Variants in FBN2 observed in about 807,000 individuals in gnomAD.
The protein encoded by FBN2 is fibrillin 2.
FBN2 carries 105 observed loss-of-function variants against 355.6 expected under a neutral mutation model. That is an observed-to-expected ratio of 0.30 (90% CI 0.25 to 0.35). The LOEUF (loss-of-function observed/expected upper bound fraction) is 0.35, where lower values mean the gene tolerates loss of function less well. FBN2 is among the 10% of genes least tolerant of loss of function. The probability of loss-of-function intolerance (pLI) is 1.00; values close to 1 mark genes in which losing one functional copy is unlikely to be tolerated. For synonymous variants in FBN2, 1,350 were observed against 1,301.2 expected (o/e 1.04, Z -0.81); for missense variants, 3,280 against 3,758.7 (o/e 0.87, Z 3.33).
At chr5:128,467,126 G>A (rs1320719298) in intron 5 of FBN2, among the ~76,000 whole-genome samples, 1 of 152,084 alleles carries the variant, frequency 6.6e-6, no homozygotes, top group African/African-American at 2.4e-5. Flanking sequence ...CAACTTGACA[G>A]TAGATTCATT....
chr5:128,333,700 T>C (rs1426831416), intron 31 of FBN2, among the ~76,000 whole-genome samples: 1 of 151,696 alleles, frequency 6.6e-6, no homozygotes, highest in Admixed American at 6.6e-5. Context: ...GTGTGTGTAT[T>C]TGTGTGTCTG....
chr5:128,471,639 TAAAAAC>T (rs1221856210), intron 5 of FBN2, among the ~76,000 whole-genome samples: 2 of 152,092 alleles, frequency 1.3e-5, no homozygotes, highest in South Asian at 2.1e-4. Flanking sequence ...AAACTGGCCT[TAAAAAC>T]AAAAACAAAA....
intron 13 of FBN2, among the ~76,000 whole-genome samples, chr5:128,377,241 G>A (rs895698639): frequency 6.6e-6 from 1 of 152,074 alleles, no homozygotes; most frequent in Non-Finnish European, 1.5e-5. Flanking sequence ...AATATGATGT[G>A]TTACCTTGTA....
In FBN2 at chr5:128,300,827, C is replaced by A; in HGVS notation, c.6156G>T (p.Glu2052Asp). ...ICPPGYEVKS[E>D]NCIDINECDE... The stretch of plus-strand genomic sequence containing the variant: ...AAATGTTACTCTTACCAATGCAGTT[C>A]TCGCTTTTTACTTCATACCCTGGGG... The change falls in exon 48 of 65, where the codon GAG becomes GAT. Residue 2052 changes from glutamate (E) to aspartate (D), a missense_variant. Transcript: ENST00000262464. 1 of 1,614,018 alleles carries A rather than the reference C, an allele frequency of 6.2e-7. No individual in the cohort carries two copies.
At position 128,271,989 on chromosome 5, in the gene FBN2, G is replaced by A. The variant is rs1168297227; in HGVS notation, c.7960+10C>T. On this transcript the variant is annotated intron_variant, in intron 62 of 64. Transcript: ENST00000262464. ...GAAAAGCAAGTGCGATGGAAGAAAA[G>A]AGCACTCACCGACACACTGATTCCA... 3 of 1,613,832 alleles carry A rather than the reference G, an allele frequency of 1.9e-6. No homozygotes were observed. The Admixed American group carries it at 5.0e-5, about 27-fold the overall frequency.
intron 62 of FBN2, among the ~76,000 whole-genome samples, chr5:128,264,096 G>A (rs937840050): frequency 5.3e-5 from 8 of 152,148 alleles, no homozygotes; most frequent in Non-Finnish European, 1.0e-4. Flanking sequence ...GAGAATGTTC[G>A]GAAACTGGTA....
In FBN2 at chr5:128,355,447, A is replaced by G. The variant is rs112230564; in HGVS notation, c.2674+1829T>C. ...TTGCAGAATAGTTGAAGATTAATTT[A>G]TATTTAGAAAGCTTGAAAAATAGAT... is the stretch of plus-strand genomic sequence containing the variant. On this transcript the variant is annotated intron_variant, in intron 20 of 64. Coordinates refer to ENST00000262464, the MANE Select transcript of FBN2 (RefSeq NM_001999.4). Among the ~76,000 whole-genome samples, 140 of 152,368 alleles carry G rather than the reference A, an allele frequency of 9.2e-4. 2 individuals carry two copies. The highest frequency in any genetic ancestry group is 6.8e-3 in the Middle Eastern group (2 of 294).
intron 15 of FBN2, among the ~76,000 whole-genome samples, chr5:128,371,440 TTTTC>T (rs1220690250): frequency 2.0e-5 from 3 of 152,054 alleles, no homozygotes. Context: ...TTTTTCTTTC[TTTTC>T]TTTCTCTTTT....
At chr5:128,530,486 TTAAC>T in intron 3 of FBN2, 105 bp downstream of exon 3, 1 of 747,326 alleles carries the variant, frequency 1.3e-6, no homozygotes, top group Non-Finnish European at 2.4e-6. Flanking sequence ...GATGTAAGGA[TTAAC>T]TAAAGTAATA....
At chr5:128,396,731 T>C (rs1293391004) in intron 8 of FBN2, among the ~76,000 whole-genome samples, 1 of 152,250 alleles carries the variant, frequency 6.6e-6, no homozygotes, top group South Asian at 2.1e-4. Context: ...ACTGCCTTTA[T>C]AGTAACCAAT....
At chr5:128,311,237 A>C in intron 39 of FBN2, 63 bp downstream of exon 39, 1 of 1,584,662 alleles carries the variant, frequency 6.3e-7, no homozygotes, top group South Asian at 1.1e-5. Flanking sequence ...CCTTTCCCTC[A>C]GGCCTCAGCA....
At chr5:128,410,010 C>T (rs1045866010) in intron 7 of FBN2, among the ~76,000 whole-genome samples, 1 of 152,160 alleles carries the variant, frequency 6.6e-6, no homozygotes, top group African/African-American at 2.4e-5. Context: ...TAACTATACG[C>T]TGTGTGTCTT....
chr5:128,342,578 G>A (rs1188866068), intron 25 of FBN2, among the ~76,000 whole-genome samples: 1 of 152,136 alleles, frequency 6.6e-6, no homozygotes, highest in Non-Finnish European at 1.5e-5. Context: ...CAGGGAAGAG[G>A]AGATGCTAGA....
chr5:128,275,659 T>C (rs1765376217), intron 59 of FBN2, among the ~76,000 whole-genome samples: 1 of 152,128 alleles, frequency 6.6e-6, no homozygotes, highest in Non-Finnish European at 1.5e-5. Flanking sequence ...AATTTACCTA[T>C]CCATTTTCAC....
chr5:128,537,465 C>T lies in FBN2; in HGVS notation c.139G>A (p.Val47Ile). 6.2e-7 allele frequency: 1 copy of T among 1,604,784 alleles called. No homozygotes were observed. The highest frequency in any genetic ancestry group is 8.5e-7 in the Non-Finnish European group (1 of 1,176,974). Residue 47 changes from valine to isoleucine, a missense_variant, in exon 1 of 65, where the codon GTT becomes ATT. By Grantham distance (29) the Val-to-Ile change is conservative. Coordinates refer to ENST00000262464, the MANE Select transcript of FBN2 (RefSeq NM_001999.4). ...PPRPQPPPQQ[V>I]RSATAGSEGG... The stretch of plus-strand genomic sequence containing the variant: ...TCAGAGCCTGCTGTAGCGGACCGAA[C>T]CTGTTGCGGCGGCGGCTGGGGCCGG...
chr5:128,426,065 T>A (rs1257435147), intron 7 of FBN2, among the ~76,000 whole-genome samples: 1 of 152,170 alleles, frequency 6.6e-6, no homozygotes, highest in Non-Finnish European at 1.5e-5. Context: ...CCACACACTT[T>A]GATGTTCTCA....
rs115753436 is a variant in FBN2, at chr5:128,510,098, A to T, written c.628+9175T>A. 4.1e-3 allele frequency among the ~76,000 whole-genome samples: 619 copies of T among 152,198 alleles called. 3 individuals carry two copies. Among genetic ancestry groups the T allele is most frequent in the African/African-American group, 0.014 (582 of 41,500 alleles). On this transcript the variant is annotated intron_variant, in intron 5 of 64. Coordinates refer to ENST00000262464, the MANE Select transcript of FBN2 (RefSeq NM_001999.4). The stretch of plus-strand genomic sequence containing the variant: ...TGCCCTGAGAACTCTAGCCATCTTG[A>T]TCTCCCCAGAACTTAGGGAGTCTGC...
rs1158937805 is a variant in FBN2, at chr5:128,392,130, G to T, written c.1491C>A (p.Ile497=). The T allele has an allele frequency of 1.2e-6, 2 of 1,613,540 alleles. No homozygotes were observed. The highest frequency in any genetic ancestry group is 3.3e-5 in the Admixed American group (2 of 59,998). The change falls in exon 11 of 65, where the codon ATC becomes ATA. Residue 497 remains isoleucine (I), a synonymous_variant. Coordinates refer to ENST00000262464, the MANE Select transcript of FBN2 (RefSeq NM_001999.4). ...AACAAAGGTTAGCATGATGCTTACA[G>T]ATATCTATTGTCTGGTTCAGAATTG... The part of the protein sequence containing the change: ...GLTILNQTID[I]CKHHANLCLN...
intron 18 of FBN2, among the ~76,000 whole-genome samples, chr5:128,363,252 G>A (rs1038125305): frequency 2.6e-5 from 4 of 151,790 alleles, no homozygotes; most frequent in African/African-American, 7.3e-5. Flanking sequence ...GTGCAGTGGC[G>A]AGGTCTCCGC....
Sources: gnomAD v4.1 joint callset for allele counts (sites outside exome capture counted in the v4.1 genomes callset) on GRCh38, gnomAD v4.1.1 for gene constraint, MANE v1.5 for transcripts, NCBI Gene and HGNC (gene_info 2026-07-23, HGNC 2026-07-21) for gene names.